GPC6: variants seen among roughly 807,000 people sequenced by gnomAD.
GPC6 encodes the protein glypican 6.
A neutral mutation model predicts 55.2 loss-of-function variants in GPC6; 14 were observed. The observed-to-expected ratio is 0.25, with a 90% CI of 0.17 to 0.40. The LOEUF (loss-of-function observed/expected upper bound fraction) is 0.40. Ranked by LOEUF, GPC6 falls within the 10% of genes least tolerant of loss-of-function variation. The probability of loss-of-function intolerance (pLI) is 1.00; values close to 1 mark genes in which losing one functional copy is unlikely to be tolerated. For missense variants in GPC6, 641 were observed against 708.5 expected, an observed-to-expected ratio of 0.90 and a Z score of 1.08; for synonymous variants, 278 against 259.6, an observed-to-expected ratio of 1.07 and a Z score of -0.68.
chr13:93,883,276 A>G (rs1056904808), intron 3 of GPC6, among the ~76,000 whole-genome samples: 1 of 151,622 alleles, frequency 6.6e-6, no homozygotes, highest in South Asian at 2.1e-4. Context: ...AGCTTGCTGG[A>G]TCAAAGGGTA....
intron 2 of GPC6, among the ~76,000 whole-genome samples, chr13:93,609,633 C>T (rs968215205): frequency 6.6e-6 from 1 of 152,180 alleles, no homozygotes; most frequent in Admixed American, 6.5e-5. Context: ...CCTGATTGAT[C>T]TCCTAAAAAT....
intron 1 of GPC6, among the ~76,000 whole-genome samples, chr13:93,317,907 A>G (rs1484760345): frequency 6.6e-6 from 1 of 152,182 alleles, no homozygotes; most frequent in East Asian, 1.9e-4. Flanking sequence ...TTTACAAAGG[A>G]GGGGAGGATA....
At chr13:93,343,732 A>C (rs1349634274) in intron 1 of GPC6, among the ~76,000 whole-genome samples, 6 of 152,206 alleles carry the variant, frequency 3.9e-5, no homozygotes, top group Non-Finnish European at 5.9e-5. Context: ...CCGTTGAATT[A>C]GACTACCTGA....
chr13:94,050,673 C>T (rs1883915063), intron 4 of GPC6, among the ~76,000 whole-genome samples: 2 of 152,148 alleles, frequency 1.3e-5, no homozygotes, highest in South Asian at 2.1e-4. Flanking sequence ...GGATGGCCTT[C>T]AGAGAGCAAC....
chr13:93,856,669 G>T (rs1888622146), intron 3 of GPC6, among the ~76,000 whole-genome samples: 1 of 151,602 alleles, frequency 6.6e-6, no homozygotes, highest in Non-Finnish European at 1.5e-5. Flanking sequence ...ATATTTTCAA[G>T]GTGGACATGT....
intron 2 of GPC6, among the ~76,000 whole-genome samples, chr13:93,591,528 G>C (rs1233873746): frequency 6.6e-6 from 1 of 151,564 alleles, no homozygotes; most frequent in African/African-American, 2.4e-5. Flanking sequence ...GATAAAATGT[G>C]TAACTTTTGC....
intron 2 of GPC6, among the ~76,000 whole-genome samples, chr13:93,583,360 G>A (rs774202285): frequency 6.6e-5 from 10 of 150,986 alleles, no homozygotes; most frequent in Middle Eastern, 3.2e-3. Flanking sequence ...GTGTGCGCGC[G>A]CGCGTGCGTA....
intron 5 of GPC6, among the ~76,000 whole-genome samples, chr13:94,297,044 T>C (rs1384141935): frequency 1.3e-5 from 2 of 152,196 alleles, no homozygotes; most frequent in African/African-American, 4.8e-5. Context: ...TACTGGCTTA[T>C]GAAATTCCTA....
intron 4 of GPC6, among the ~76,000 whole-genome samples, chr13:94,083,025 T>A (rs965571144): frequency 1.3e-5 from 2 of 152,206 alleles, no homozygotes; most frequent in Non-Finnish European, 2.9e-5. Context: ...TGTCAGAGAT[T>A]TTCACCTAGG....
At chr13:93,986,764 T>C (rs182961020) in intron 3 of GPC6, among the ~76,000 whole-genome samples, 50 of 152,332 alleles carry the variant, frequency 3.3e-4, no homozygotes, top group Admixed American at 2.0e-3. Context: ...TATTTTATTA[T>C]GTGTTATTTT....
In GPC6 at chr13:93,231,387, ATATATATATG is replaced by A. The variant is rs1306562867; in HGVS notation, c.160+3781_160+3790del. Among the ~76,000 whole-genome samples the A allele has an allele frequency of 5.0e-3, 115 of 22,876 alleles. 1 individual carries two copies. Among genetic ancestry groups the A allele is most frequent in the African/African-American group, 0.02 (104 of 5,118 alleles). 15.0% of individuals were successfully genotyped at this position (22,876 alleles called of 152,430 possible). Reference sequence around the variant, plus strand: ...TATATATATATATATATACATATATATATATATATGTATATATATATATATATATATATAT... The same window carrying A: ...TATATATATATATATATACATATATATATATATATATATATATATATATAT... On this transcript the variant is annotated intron_variant, in intron 1 of 8. Transcript: ENST00000377047.
Position 93,227,122 on chromosome 13 carries a change from G to C in GPC6, c.-335G>C, listed in dbSNP as rs574668578. 1 of 191,690 alleles carries C rather than the reference G, an allele frequency of 5.2e-6. No homozygotes were observed. Among genetic ancestry groups the C allele is most frequent in the Admixed American group, 6.0e-5 (1 of 16,680 alleles). 11.9% of individuals were successfully genotyped at this position (191,690 alleles called of 1,614,324 possible). On this transcript the variant is annotated 5_prime_UTR_variant, in exon 1 of 9. Coordinates refer to ENST00000377047, the MANE Select transcript of GPC6 (RefSeq NM_005708.5). This position sits in a 1 kb window ranked among gnomAD's most constrained non-coding sequence, Gnocchi z 4.3. The stretch of plus-strand genomic sequence containing the variant: ...CCAGGATTCTGCGGCTCGGAACTCG[G>C]ATTGCAGCTCTGAACCCCCATGGTG...
intron 3 of GPC6, among the ~76,000 whole-genome samples, chr13:93,835,078 A>G (rs1887681754): frequency 6.6e-6 from 1 of 152,192 alleles, no homozygotes; most frequent in African/African-American, 2.4e-5. Context: ...GTCTTTATTA[A>G]TTATAAAGGC....
In GPC6 at chr13:94,158,496, A is replaced by C. The variant is rs187225046; in HGVS notation, c.878-127853A>C. On this transcript the variant is annotated intron_variant, in intron 4 of 8. Transcript: ENST00000377047. ...GCCTAATTTAAATGCAATTTAGAAAAACATTCCCAAGGATAAGCATTCAAA... is the reference window on the plus strand; with the variant it reads ...GCCTAATTTAAATGCAATTTAGAAACACATTCCCAAGGATAAGCATTCAAA... Among the ~76,000 whole-genome samples the C allele has an allele frequency of 2.2e-3, 337 of 152,338 alleles. 2 individuals are homozygous for C. Among genetic ancestry groups the C allele is most frequent in the African/African-American group, 7.7e-3 (319 of 41,582 alleles).
At chr13:93,733,800 C>T (rs992033127) in intron 2 of GPC6, among the ~76,000 whole-genome samples, 2 of 152,146 alleles carry the variant, frequency 1.3e-5, no homozygotes, top group African/African-American at 4.8e-5. Context: ...AACTCAGTTA[C>T]GTGGCATTGA....
chr13:94,077,959 A>G (rs193214355), intron 4 of GPC6, among the ~76,000 whole-genome samples: 41 of 152,008 alleles, frequency 2.7e-4, no homozygotes, highest in African/African-American at 9.6e-4. Flanking sequence ...GTGGCAGAAT[A>G]CACATTCTTT....
chr13:93,349,065 C>T (rs1240929433), intron 1 of GPC6, among the ~76,000 whole-genome samples: 3 of 152,148 alleles, frequency 2.0e-5, no homozygotes, highest in Non-Finnish European at 4.4e-5. Flanking sequence ...TGTAACATTA[C>T]TTTTACTCTG....
intron 4 of GPC6, among the ~76,000 whole-genome samples, chr13:94,099,571 A>T (rs963659629): frequency 6.6e-6 from 1 of 152,184 alleles, no homozygotes; most frequent in Non-Finnish European, 1.5e-5. Flanking sequence ...TGCTGCGCCA[A>T]TTTGAAACTA....
intron 1 of GPC6, among the ~76,000 whole-genome samples, chr13:93,482,444 T>C (rs1879554876): frequency 6.6e-6 from 1 of 152,174 alleles, no homozygotes; most frequent in African/African-American, 2.4e-5. Context: ...AACTAATTCG[T>C]TGTTTCTCCT....
Sources: allele counts gnomAD v4.1 joint callset (sites outside exome capture counted in the v4.1 genomes callset), GRCh38; gene constraint gnomAD v4.1.1; non-coding constraint Gnocchi (gnomAD v3.1); transcripts MANE v1.5; gene names NCBI Gene and HGNC (gene_info 2026-07-23, HGNC 2026-07-21).